Variants in SPATS2L observed in about 807,000 individuals in gnomAD.
The protein encoded by SPATS2L is spermatogenesis associated serine rich 2 like.
Under a neutral mutation model 59.6 loss-of-function variants are expected in SPATS2L, and 30 were observed. The ratio of observed to expected loss-of-function variants is 0.50; its 90% CI spans 0.38 to 0.68. The LOEUF is 0.68. Ranked by LOEUF, SPATS2L falls within the 30% of genes least tolerant of loss-of-function variation. The probability of loss-of-function intolerance (pLI) is 0.00; values close to 1 mark genes in which losing one functional copy is unlikely to be tolerated. For synonymous variants in SPATS2L, 252 were observed against 263.5 expected, an observed-to-expected ratio of 0.96 and a Z score of 0.42; for missense variants, 615 against 700.0, an observed-to-expected ratio of 0.88 and a Z score of 1.37.
chr2:200,322,590 A>G (rs753102319), intron 1 of SPATS2L, among the ~76,000 whole-genome samples: 4 of 152,230 alleles, frequency 2.6e-5, no homozygotes, highest in African/African-American at 9.6e-5. Flanking sequence ...AAAGTCAGCC[A>G]TTCGGAACAT....
chr2:200,384,028 T>TG, intron 2 of SPATS2L: 4 of 999,836 alleles, frequency 4.0e-6, no homozygotes, highest in Non-Finnish European at 4.8e-6. Flanking sequence ...GTCAGTACAT[T>TG]GATAGAACTT....
At chr2:200,444,834 C>T (rs1203902541) in intron 8 of SPATS2L, among the ~76,000 whole-genome samples, 10 of 152,108 alleles carry the variant, frequency 6.6e-5, no homozygotes, top group Non-Finnish European at 1.5e-4. Flanking sequence ...TAGGGCTCCT[C>T]ACCTCAATCA....
chr2:200,367,547 G>A (rs1459519024), intron 2 of SPATS2L, among the ~76,000 whole-genome samples: 1 of 152,202 alleles, frequency 6.6e-6, no homozygotes, highest in Non-Finnish European at 1.5e-5. Context: ...GAAAATAAGA[G>A]TATGTCTTTA....
chr2:200,474,724 C>A (rs1019762864), intron 12 of SPATS2L, among the ~76,000 whole-genome samples: 1 of 152,174 alleles, frequency 6.6e-6, no homozygotes, highest in African/African-American at 2.4e-5. Flanking sequence ...TATGTAGATA[C>A]TTCTTCAGTT....
chr2:200,402,666 A>T (rs2082564279), intron 3 of SPATS2L, among the ~76,000 whole-genome samples: 1 of 152,202 alleles, frequency 6.6e-6, no homozygotes, highest in African/African-American at 2.4e-5. Flanking sequence ...CTAGACTATA[A>T]ACCCCAATGC....
intron 8 of SPATS2L, among the ~76,000 whole-genome samples, chr2:200,458,747 A>G (rs1352067079): frequency 3.3e-5 from 5 of 151,502 alleles, no homozygotes; most frequent in Non-Finnish European, 5.9e-5. Flanking sequence ...AAAAAAAAAG[A>G]TTTATGGGAC....
chr2:200,411,268 C>T (rs2082868811), intron 3 of SPATS2L, among the ~76,000 whole-genome samples: 1 of 152,090 alleles, frequency 6.6e-6, no homozygotes, highest in Non-Finnish European at 1.5e-5. Flanking sequence ...CTAACATAAT[C>T]AGGAAATAGG....
intron 6 of SPATS2L, among the ~76,000 whole-genome samples, chr2:200,433,315 A>G (rs908143688): frequency 3.3e-5 from 5 of 152,154 alleles, no homozygotes; most frequent in Admixed American, 2.6e-4. Flanking sequence ...GAACAATACT[A>G]TCAACCAACT....
intron 6 of SPATS2L, among the ~76,000 whole-genome samples, chr2:200,425,427 A>G (rs2083511938): frequency 2.0e-5 from 3 of 152,136 alleles, no homozygotes; most frequent in Admixed American, 2.0e-4. Context: ...GAAGCAATAC[A>G]ATATCACAGC....
chr2:200,392,152 C>G (rs889462852), intron 3 of SPATS2L, among the ~76,000 whole-genome samples: 3 of 152,058 alleles, frequency 2.0e-5, no homozygotes, highest in African/African-American at 7.2e-5. Flanking sequence ...GCTGAGGGCT[C>G]TTGGATATCG....
rs956708556 is a variant in SPATS2L, at chr2:200,306,992, G to C, written c.-73+70G>C. ...GGCGCGGGCGGACGCGGAGGGGCCT[G>C]CGCGGCCGGGACGGAGACTCGGCTG... On this transcript the variant is annotated intron_variant, in intron 1 of 12. Transcript: ENST00000409140. 4.1e-6 allele frequency: 4 copies of C among 980,426 alleles called. No homozygotes were observed. In the African/African-American group the frequency reaches 7.0e-5, roughly 17 times the overall value. The allele number at this position is 980,426 out of a possible 1,614,324, so 60.7% of individuals were successfully genotyped here. A position where few individuals can be genotyped will look rare whatever the true frequency, so the allele number is the denominator to read the frequency against.
chr2:200,420,322 T>C (rs2083257401), intron 6 of SPATS2L, among the ~76,000 whole-genome samples: 1 of 152,122 alleles, frequency 6.6e-6, no homozygotes, highest in East Asian at 1.9e-4. Context: ...ATAACCTACC[T>C]AGAAACAGAA....
At chr2:200,473,087 A>AC (rs1029080629) in intron 12 of SPATS2L, 35 bp downstream of exon 12, 1 of 1,519,020 alleles carries the variant, frequency 6.6e-7, no homozygotes, top group African/African-American at 1.4e-5. Flanking sequence ...CCAGAGGAAA[A>AC]AAAAAAAAAA....
chr2:200,353,176 G>T (rs372573137), intron 2 of SPATS2L, among the ~76,000 whole-genome samples: 1 of 152,200 alleles, frequency 6.6e-6, no homozygotes, highest in African/African-American at 2.4e-5. Flanking sequence ...GAGGAGCAAA[G>T]AAGAGGAGAT....
At chr2:200,390,644 G>A (rs2082143506) in intron 3 of SPATS2L, 1 of 152,410 alleles carries the variant, frequency 6.6e-6, no homozygotes, top group Non-Finnish European at 1.5e-5. Context: ...GTGTGGTCCA[G>A]GTGTGGTAGA....
At chr2:200,361,935 C>T (rs994100783) in intron 2 of SPATS2L, among the ~76,000 whole-genome samples, 1 of 152,142 alleles carries the variant, frequency 6.6e-6, no homozygotes, top group Non-Finnish European at 1.5e-5. Flanking sequence ...TTGAAACCTT[C>T]TTAACCCAAA....
intron 2 of SPATS2L, among the ~76,000 whole-genome samples, chr2:200,365,849 C>A (rs2081252687): frequency 6.6e-6 from 1 of 152,124 alleles, no homozygotes; most frequent in Non-Finnish European, 1.5e-5. Context: ...TGTCTGGTCA[C>A]CCTCACTAAA....
intron 2 of SPATS2L, among the ~76,000 whole-genome samples, chr2:200,335,507 C>T (rs1377514125): frequency 1.3e-5 from 2 of 151,960 alleles, no homozygotes; most frequent in Non-Finnish European, 2.9e-5. Flanking sequence ...GTGACGTGGG[C>T]AAAATAAATG....
chr2:200,338,250 C>T (rs933933262), intron 2 of SPATS2L, among the ~76,000 whole-genome samples: 5 of 152,158 alleles, frequency 3.3e-5, no homozygotes, highest in African/African-American at 7.2e-5. Context: ...GTATTGAACT[C>T]GTGGGCTCAA....
Sources: allele counts gnomAD v4.1 joint callset (sites outside exome capture counted in the v4.1 genomes callset), GRCh38; gene constraint gnomAD v4.1.1; transcripts MANE v1.5; gene names NCBI Gene and HGNC (gene_info 2026-07-23, HGNC 2026-07-21).